The following THSD4 variants were observed in gnomAD, a reference collection of about 807,000 sequenced individuals.
THSD4 encodes the protein thrombospondin type-1 domain-containing protein 4.
THSD4 carries 69 observed loss-of-function variants against 119.0 expected under a neutral mutation model. The observed-to-expected ratio is 0.58, with a 90% CI of 0.48 to 0.71. The LOEUF is 0.71. Among genes scored for constraint, THSD4 ranks in the 30% least tolerant of loss-of-function variants. The pLI is 0.00. For synonymous variants in THSD4, 524 were observed against 540.4 expected (o/e 0.97, Z 0.42); for missense variants, 1,393 against 1,391.1 (o/e 1.00, Z -0.02).
chr15:71,245,523 CA>C lies in THSD4; in HGVS notation c.912+2431del, dbSNP rs565695264. 3.2e-4 allele frequency among the ~76,000 whole-genome samples: 48 copies of C among 152,216 alleles called. No individual in the cohort carries two copies. The East Asian group carries it at 8.3e-3, about 26-fold the overall frequency. Reference sequence around the variant, plus strand: ...CAGCCAAAGGATTGAATAAACAAAGCAAAATCACTAAAGGAAAGGCTCATAG... The same window carrying C: ...CAGCCAAAGGATTGAATAAACAAAGCAAATCACTAAAGGAAAGGCTCATAG... On this transcript the variant is annotated intron_variant, in intron 5 of 17. Transcript: ENST00000261862.
intron 6 of THSD4, among the ~76,000 whole-genome samples, chr15:71,409,005 A>G (rs1032795081): frequency 1.3e-5 from 2 of 152,066 alleles, no homozygotes; most frequent in Non-Finnish European, 2.9e-5. Flanking sequence ...AGGTTTATTT[A>G]TCTCCTAGCT....
intron 2 of THSD4, 125 bp from the exon 3 acceptor site, chr15:71,154,733 GGTCAC>G: frequency 1.1e-6 from 1 of 870,994 alleles, no homozygotes; most frequent in Non-Finnish European, 1.9e-6. Flanking sequence ...GTCTTCACTG[GGTCAC>G]ATCCCAGGGC....
chr15:71,713,455 G>A (rs1458344174), intron 8 of THSD4, among the ~76,000 whole-genome samples: 1 of 152,126 alleles, frequency 6.6e-6, no homozygotes, highest in Non-Finnish European at 1.5e-5. Flanking sequence ...TTGCCCCTTG[G>A]GGTTCTGAAA....
chr15:71,619,469 G>A lies in THSD4; in HGVS notation c.1153-41061G>A, dbSNP rs562328746. ...AGTGTTCGGAAGGGGCAGAGGCACC[G>A]GGAGAGTTACGTTTGAGCAAATTTG... is the stretch of plus-strand genomic sequence containing the variant. On this transcript the variant is annotated intron_variant, in intron 7 of 17. Coordinates refer to ENST00000261862, the MANE Select transcript of THSD4 (RefSeq NM_024817.3). 9.9e-4 allele frequency among the ~76,000 whole-genome samples: 150 copies of A among 152,218 alleles called. 1 individual carries two copies. The highest frequency in any genetic ancestry group is 3.4e-3 in the African/African-American group (143 of 41,548).
chr15:71,665,239 T>C (rs1051817021), intron 8 of THSD4, among the ~76,000 whole-genome samples: 1 of 152,238 alleles, frequency 6.6e-6, no homozygotes, highest in Admixed American at 6.5e-5. Context: ...ATTTCTCTAA[T>C]GATTAGTGAT....
chr15:71,364,350 G>A (rs1382337508), intron 6 of THSD4, among the ~76,000 whole-genome samples: 1 of 152,244 alleles, frequency 6.6e-6, no homozygotes, highest in East Asian at 1.9e-4. Flanking sequence ...TATCAAATGA[G>A]AAGGCACATA....
intron 8 of THSD4, among the ~76,000 whole-genome samples, chr15:71,682,582 T>C (rs2141032961): frequency 6.6e-6 from 1 of 152,190 alleles, no homozygotes; most frequent in East Asian, 1.9e-4. Context: ...CTTTTTTTTT[T>C]TTTTTCTCAA....
chr15:71,640,242 T>C (rs2050830578), intron 7 of THSD4, among the ~76,000 whole-genome samples: 1 of 149,130 alleles, frequency 6.7e-6, no homozygotes, highest in Admixed American at 6.7e-5. Flanking sequence ...ACTGCTATGC[T>C]CAGCTAATTT....
At chr15:71,455,352 T>C (rs2047324720) in intron 7 of THSD4, among the ~76,000 whole-genome samples, 1 of 152,206 alleles carries the variant, frequency 6.6e-6, no homozygotes, top group Non-Finnish European at 1.5e-5. Context: ...TGTAGTCGTG[T>C]TTACTGAGAA....
rs1401366069 is a variant in THSD4 at position 71,562,717 on chromosome 15, T to TTTC, written c.1153-97813_1153-97812insTTC. 6.8e-3 allele frequency among the ~76,000 whole-genome samples: 1,025 copies of TTTC among 150,722 alleles called. 22 individuals are homozygous for TTTC. Among genetic ancestry groups the TTTC allele is most frequent in the African/African-American group, 0.024 (975 of 40,838 alleles). The stretch of plus-strand genomic sequence containing the variant: ...TTGGTCCTTTTTTTTTTTTTTCTTT[T>TTTC]CTGAAACGGAGTTTGGCTCTTGTTG... On this transcript the variant is annotated intron_variant, in intron 7 of 17. Transcript: ENST00000261862.
intron 1 of THSD4, among the ~76,000 whole-genome samples, chr15:71,129,108 T>C (rs2040480391): frequency 6.6e-6 from 1 of 151,772 alleles, no homozygotes; most frequent in Non-Finnish European, 1.5e-5. Flanking sequence ...GCTTTGAGAG[T>C]CATTTCCTGG....
At chr15:71,189,703 G>GC (rs1314977613) in intron 3 of THSD4, among the ~76,000 whole-genome samples, 1 of 151,618 alleles carries the variant, frequency 6.6e-6, no homozygotes, top group Non-Finnish European at 1.5e-5. Flanking sequence ...TGGGCTCTGT[G>GC]CCCCAAATGT....
intron 3 of THSD4, among the ~76,000 whole-genome samples, chr15:71,188,112 G>T (rs2043630047): frequency 6.6e-6 from 1 of 152,164 alleles, no homozygotes; most frequent in South Asian, 2.1e-4. Flanking sequence ...GATAAAAGGG[G>T]TGGAAAGGAT....
intron 7 of THSD4, among the ~76,000 whole-genome samples, chr15:71,484,636 C>T (rs3924603): frequency 0.081 from 12,282 of 152,098 alleles, 619 homozygotes; most frequent in Admixed American, 0.18. Context: ...GGTTCAAAGT[C>T]GGGGGCTGAA....
chr15:71,454,517 C>T (rs971439900), intron 7 of THSD4, among the ~76,000 whole-genome samples: 1 of 152,170 alleles, frequency 6.6e-6, no homozygotes, highest in Admixed American at 6.5e-5. Flanking sequence ...CGAGGCCCCG[C>T]GTGTGACACC....
At chr15:71,170,487 A>G (rs925509050) in intron 3 of THSD4, among the ~76,000 whole-genome samples, 1 of 152,214 alleles carries the variant, frequency 6.6e-6, no homozygotes, top group African/African-American at 2.4e-5. Flanking sequence ...TATTGGGGGA[A>G]TAGTTAACCC....
chr15:71,426,497 T>C (rs1279388216), intron 7 of THSD4, among the ~76,000 whole-genome samples: 2 of 152,094 alleles, frequency 1.3e-5, no homozygotes, highest in African/African-American at 2.4e-5. Flanking sequence ...TTTTCTGCCC[T>C]TTTGCCCTAC....
chr15:71,375,256 T>C (rs942038636), intron 6 of THSD4, among the ~76,000 whole-genome samples: 2 of 152,192 alleles, frequency 1.3e-5, no homozygotes, highest in African/African-American at 4.8e-5. Context: ...TGGACACATA[T>C]GTGTGCGAAA....
At position 71,709,715 on chromosome 15, in the gene THSD4, C is replaced by G. The variant is rs558701371; in HGVS notation, c.1358-18834C>G. Among the ~76,000 whole-genome samples the G allele has an allele frequency of 8.7e-4, 133 of 152,302 alleles. 1 individual carries two copies. The highest frequency in any genetic ancestry group is 1.7e-3 in the Non-Finnish European group (115 of 68,018). ...AGTAAGAGCACTGGGTGGACACATG[C>G]AGGGTGTAGATATTAGCTTATCTAA... On this transcript the variant is annotated intron_variant, in intron 8 of 17. Coordinates refer to ENST00000261862, the MANE Select transcript of THSD4 (RefSeq NM_024817.3).
Sources: allele counts gnomAD v4.1 joint callset (sites outside exome capture counted in the v4.1 genomes callset), GRCh38; gene constraint gnomAD v4.1.1; transcripts MANE v1.5; gene names NCBI Gene and HGNC (gene_info 2026-07-23, HGNC 2026-07-21).